Variants in DUSP10 observed in about 807,000 individuals in gnomAD.
DUSP10 encodes dual specificity phosphatase 10.
DUSP10 carries 14 observed loss-of-function variants against 30.8 expected under a neutral mutation model. The observed-to-expected ratio is 0.46, with a 90% confidence interval of 0.30 to 0.71. The LOEUF (loss-of-function observed/expected upper bound fraction) is 0.71. Among genes scored for constraint, DUSP10 ranks in the 30% least tolerant of loss-of-function variants. The pLI, the probability that DUSP10 is intolerant of heterozygous loss-of-function variation, is 0.08. For missense variants in DUSP10, 550 were observed against 619.4 expected (o/e 0.89, Z 1.19); for synonymous variants, 254 against 250.4 (o/e 1.01, Z -0.14).
At chr1:221,732,136 C>T (rs1661628743) in intron 2 of DUSP10, among the ~76,000 whole-genome samples, 1 of 152,110 alleles carries the variant, frequency 6.6e-6, no homozygotes, top group African/African-American at 2.4e-5. Context: ...TGCAGATTGC[C>T]CAGCCTGCAG....
chr1:221,707,193 A>G (rs1263888129), intron 2 of DUSP10, among the ~76,000 whole-genome samples: 2 of 152,200 alleles, frequency 1.3e-5, no homozygotes, highest in Admixed American at 1.3e-4. Context: ...GCAGGCATTC[A>G]CTATTTTAAT....
intron 1 of DUSP10, 112 bp from the exon 2 acceptor site, chr1:221,739,899 T>G: frequency 8.8e-7 from 1 of 1,133,614 alleles, no homozygotes; most frequent in East Asian, 2.7e-5. Flanking sequence ...GTCGTCCTAA[T>G]TGCCCTTTAT....
At chr1:221,736,795 T>C (rs1159372872) in intron 2 of DUSP10, 14 of 984,342 alleles carry the variant, frequency 1.4e-5, no homozygotes, top group Non-Finnish European at 1.6e-5. Flanking sequence ...TTCAATGAAA[T>C]TCCCAGATAT....
At position 221,724,730 on chromosome 1, in the gene DUSP10, T is replaced by C. The variant is rs115722973; in HGVS notation, c.811+14204A>G. On this transcript the variant is annotated intron_variant, in intron 2 of 3. Transcript: ENST00000366899. The stretch of plus-strand genomic sequence containing the variant: ...TTGTTTGCATGTGAATGTGTGTGCA[T>C]GCACATGGAGGGGTAGTGACCAATG... 9.0e-3 allele frequency among the ~76,000 whole-genome samples: 1,378 copies of C among 152,326 alleles called. 19 individuals carry two copies. Among genetic ancestry groups the C allele is most frequent in the African/African-American group, 0.032 (1,311 of 41,574 alleles).
chr1:221,711,574 T>C (rs187862921), intron 2 of DUSP10: 2 of 152,338 alleles, frequency 1.3e-5, no homozygotes, highest in East Asian at 3.9e-4. Context: ...TTGATGATAG[T>C]GGTTAAGATC....
chr1:221,735,821 C>T (rs1661748251), intron 2 of DUSP10, among the ~76,000 whole-genome samples: 1 of 152,206 alleles, frequency 6.6e-6, no homozygotes, highest in Admixed American at 6.5e-5. Flanking sequence ...AAAACGGTAG[C>T]TCTCGTTATG....
chr1:221,734,116 T>G (rs1286029127), intron 2 of DUSP10, among the ~76,000 whole-genome samples: 2 of 152,184 alleles, frequency 1.3e-5, no homozygotes, highest in Non-Finnish European at 2.9e-5. Flanking sequence ...TACCCTTTTA[T>G]AGTCAGTCCA....
intron 2 of DUSP10, among the ~76,000 whole-genome samples, chr1:221,735,442 G>A (rs767879606): frequency 1.2e-4 from 18 of 152,192 alleles, no homozygotes; most frequent in Admixed American, 2.6e-4. Context: ...AAGTGTTTAC[G>A]AGTGAAAATG....
chr1:221,718,418 C>T (rs1188904421), intron 2 of DUSP10, among the ~76,000 whole-genome samples: 5 of 152,020 alleles, frequency 3.3e-5, no homozygotes, highest in Non-Finnish European at 7.4e-5. Flanking sequence ...TCACTGGTCT[C>T]AAACTTAATA....
At chr1:221,728,915 TAGG>T (rs756779586) in intron 2 of DUSP10, among the ~76,000 whole-genome samples, 2 of 152,194 alleles carry the variant, frequency 1.3e-5, no homozygotes, top group African/African-American at 2.4e-5. Flanking sequence ...CACAGGCTAC[TAGG>T]AGAATGAATT....
intron 2 of DUSP10, among the ~76,000 whole-genome samples, chr1:221,708,505 G>A (rs1465039887): frequency 6.6e-6 from 1 of 152,162 alleles, no homozygotes; most frequent in Non-Finnish European, 1.5e-5. Context: ...AAAGTAAGAA[G>A]TCAAAACCTA....
intron 2 of DUSP10, among the ~76,000 whole-genome samples, chr1:221,736,603 A>G (rs1356691421): frequency 6.6e-6 from 1 of 152,190 alleles, no homozygotes; most frequent in Non-Finnish European, 1.5e-5. Flanking sequence ...CAGTGGTGCT[A>G]TGGTATTAAT....
At position 221,739,244 on chromosome 1, in the gene DUSP10, C is replaced by T. The variant is rs1462051758; in HGVS notation, c.501G>A (p.Leu167=). The T allele has an allele frequency of 2.5e-6, 4 of 1,614,202 alleles. No individual in the cohort carries two copies. The highest frequency in any genetic ancestry group is 2.7e-5 in the African/African-American group (2 of 75,048). The stretch of plus-strand genomic sequence containing the variant: ...CAATGATGACAGGGCCCTGACTCGG[C>T]AGGTGACTCTTGCTGCATTTGGTCA... ...KKMTKCSKSH[L]PSQGPVIIDC... is the part of the protein sequence containing the mutation. Residue 167 remains leucine (L), a synonymous_variant, in exon 2 of 4, where the codon CTG becomes CTA. Transcript: ENST00000366899.
chr1:221,741,539 C>A (rs1233941510), intron 1 of DUSP10, among the ~76,000 whole-genome samples: 3 of 152,096 alleles, frequency 2.0e-5, no homozygotes, highest in Non-Finnish European at 4.4e-5. Flanking sequence ...ACTGAGCTAT[C>A]CCCTCTCCCT....
At chr1:221,705,596 G>A (rs1182304127) in intron 3 of DUSP10, among the ~76,000 whole-genome samples, 1 of 152,170 alleles carries the variant, frequency 6.6e-6, no homozygotes, top group African/African-American at 2.4e-5. Flanking sequence ...ACTGTCAAAG[G>A]AAACCTAGTA....
intron 2 of DUSP10, among the ~76,000 whole-genome samples, chr1:221,733,014 CT>C (rs1287074206): frequency 6.6e-6 from 1 of 152,224 alleles, no homozygotes; most frequent in Non-Finnish European, 1.5e-5. Flanking sequence ...TGTAGTCTAT[CT>C]TTTTCAACCA....
intron 3 of DUSP10, among the ~76,000 whole-genome samples, chr1:221,705,580 G>C (rs995474827): frequency 2.0e-5 from 3 of 152,108 alleles, no homozygotes; most frequent in African/African-American, 7.2e-5. Context: ...AATGAGTTTG[G>C]GGCAGACTGT....
At position 221,702,503 on chromosome 1, in the gene DUSP10, C is replaced by T; in HGVS notation, c.1358G>A (p.Gly453Glu). 6.2e-7 allele frequency: 1 copy of T among 1,614,014 alleles called. No homozygotes were observed. Among genetic ancestry groups the T allele is most frequent in the African/African-American group, 1.3e-5 (1 of 74,960 alleles). ...GTCTTCCTCGAACTCTAGCAACTGC[C>T]CCATGAAGTTAAGGTTTGGGGAGAT... Reference protein sequence around the residue: ...PIISPNLNFMGQLLEFEEDLN... With the variant: ...PIISPNLNFMEQLLEFEEDLN... The change falls in exon 4 of 4, where the codon GGG (glycine) becomes GAG (glutamate). Residue 453 changes from glycine (G) to glutamate (E), a missense_variant. Coordinates refer to ENST00000366899, the MANE Select transcript of DUSP10 (RefSeq NM_007207.6). The surrounding 1 kb of genome is among the most constrained non-coding windows in gnomAD (Gnocchi z 4.5).
chr1:221,712,777 C>CAAGA (rs1660977902), intron 2 of DUSP10, among the ~76,000 whole-genome samples: 1 of 56,950 alleles, frequency 1.8e-5, no homozygotes, highest in Non-Finnish European at 3.1e-5. Flanking sequence ...TATAAAGCAG[C>CAAGA]AAAAAAAAAA....
Sources: gnomAD v4.1 joint callset for allele counts (sites outside exome capture counted in the v4.1 genomes callset) on GRCh38, gnomAD v4.1.1 for gene constraint, Gnocchi (gnomAD v3.1) non-coding constraint, MANE v1.5 for transcripts, NCBI Gene and HGNC (gene_info 2026-07-23, HGNC 2026-07-21) for gene names.